Variants in SLC8A1 observed in about 807,000 individuals in gnomAD.
The protein encoded by SLC8A1 is sodium/calcium exchanger 1.
SLC8A1 carries 18 observed loss-of-function variants against 68.3 expected under a neutral mutation model. The ratio of observed to expected loss-of-function variants is 0.26; its 90% CI spans 0.18 to 0.39. The LOEUF (loss-of-function observed/expected upper bound fraction) is 0.39, where lower values mean the gene tolerates loss of function less well. Ranked by LOEUF, SLC8A1 falls within the 10% of genes least tolerant of loss-of-function variation. The pLI, the probability that SLC8A1 is intolerant of heterozygous loss-of-function variation, is 1.00. For synonymous variants in SLC8A1, 475 were observed against 415.5 expected (o/e 1.14, Z -1.74); for missense variants, 985 against 1,156.7 (o/e 0.85, Z 2.15).
chr2:40,240,549 T>G (rs577839210), intron 2 of SLC8A1, among the ~76,000 whole-genome samples: 1 of 152,346 alleles, frequency 6.6e-6, no homozygotes, highest in African/African-American at 2.4e-5. Context: ...CCAGAGAGGC[T>G]GTCTCTCTAT....
Position 40,410,292 on chromosome 2 carries a change from T to C in SLC8A1, c.1808+18181A>G, listed in dbSNP as rs72948185. ...TTACCAGAAATACCAGCAAAATCTT[T>C]CAATATGACCTGTTACTGGCCAAAT... On this transcript the variant is annotated intron_variant, in intron 2 of 7. Transcript: ENST00000406785. Among the ~76,000 whole-genome samples, 1,102 of 152,152 alleles carry C rather than the reference T, an allele frequency of 7.2e-3. 17 individuals carry two copies. Among genetic ancestry groups the C allele is most frequent in the African/African-American group, 0.025 (1,038 of 41,536 alleles).
At chr2:40,466,632 G>T (rs534553511) in intron 1 of SLC8A1, among the ~76,000 whole-genome samples, 3 of 152,210 alleles carry the variant, frequency 2.0e-5, no homozygotes, top group African/African-American at 7.2e-5. Context: ...GTGCAATAAG[G>T]ATAAAGTGCT....
intron 2 of SLC8A1, among the ~76,000 whole-genome samples, chr2:40,264,401 G>A (rs561696713): frequency 2.0e-5 from 3 of 152,100 alleles, no homozygotes; most frequent in Admixed American, 6.5e-5. Flanking sequence ...ACATGCACAC[G>A]TATGTTTATT....
At chr2:40,195,930 GGT>G (rs1249742486) in intron 2 of SLC8A1, 3 of 151,946 alleles carry the variant, frequency 2.0e-5, no homozygotes, top group Admixed American at 2.0e-4. Flanking sequence ...TAATATCACT[GGT>G]AAGAGTGTAA....
chr2:40,128,934 T>A (rs7576587), intron 7 of SLC8A1, among the ~76,000 whole-genome samples: 25,677 of 152,094 alleles, frequency 0.17, 2,678 homozygotes, highest in African/African-American at 0.29. Flanking sequence ...TAGAGAAAAG[T>A]CAAACCTATT....
At chr2:40,430,501 C>A (rs953209611) in intron 1 of SLC8A1, among the ~76,000 whole-genome samples, 197 bp from the exon 2 acceptor site, 39 of 152,258 alleles carry the variant, frequency 2.6e-4, no homozygotes, top group African/African-American at 8.4e-4. Context: ...CCATCAGTGA[C>A]TAAGCAATCC....
At chr2:40,140,357 T>C (rs2041312566) in intron 6 of SLC8A1, among the ~76,000 whole-genome samples, 1 of 152,212 alleles carries the variant, frequency 6.6e-6, no homozygotes, top group Admixed American at 6.5e-5. Flanking sequence ...TCCACCCTTA[T>C]CCTTCCTCAC....
At chr2:40,107,279 C>CAAAAAAAAAAAAAAAAGAAAAAAA (rs571403529) in exon 8 of SLC8A1, 1 of 64,962 alleles carries the variant, frequency 1.5e-5, no homozygotes, top group Non-Finnish European at 2.9e-5. Flanking sequence ...GACTCCGTCT[C>CAAAAAAAAAAAAAAAAGAAAAAAA]AAAAAAAAAA....
chr2:40,175,317 A>G lies in SLC8A1; in HGVS notation c.1913-475T>C, dbSNP rs771122200. 2.4e-5 allele frequency: 38 copies of G among 1,602,208 alleles called. No homozygotes were observed. The East Asian group carries it at 6.9e-4, about 29-fold the overall frequency. ...AACAGACAAAGACAAACACAGAATA[A>G]GAGACCAGATGAATAATGAAAGTAA... is the stretch of plus-strand genomic sequence containing the variant. On this transcript the variant is annotated intron_variant, in intron 3 of 7. Transcript: ENST00000406785.
At position 40,361,887 on chromosome 2, in the gene SLC8A1, CTTTTTTTTTTTTTTTTT is replaced by C. The variant is rs1172909749; in HGVS notation, c.1808+66569_1808+66585del. On this transcript the variant is annotated intron_variant, in intron 2 of 7. Transcript: ENST00000406785. The stretch of plus-strand genomic sequence containing the variant: ...GTCAGATGTTTATATCTTTTCTTTC[CTTTTTTTTTTTTTTTTT>C]TTTTTTTTTTTTTGGAGACAGAGTC... Among the ~76,000 whole-genome samples, 23 of 53,128 alleles carry C rather than the reference CTTTTTTTTTTTTTTTTT, an allele frequency of 4.3e-4. No homozygotes were observed. In the East Asian group the frequency reaches 6.5e-3, roughly 15 times the overall value. The allele number at this position is 53,128 out of a possible 152,430, so 34.9% of individuals were successfully genotyped here.
chr2:40,298,837 T>C (rs2070907103), intron 2 of SLC8A1, among the ~76,000 whole-genome samples: 1 of 152,194 alleles, frequency 6.6e-6, no homozygotes, highest in African/African-American at 2.4e-5. Flanking sequence ...TTAGAACTTA[T>C]GGATGTTTCT....
intron 2 of SLC8A1, among the ~76,000 whole-genome samples, chr2:40,286,222 T>A (rs912077924): frequency 4.6e-5 from 7 of 152,160 alleles, no homozygotes; most frequent in African/African-American, 1.7e-4. Context: ...TTTACTCCAT[T>A]TTATCTTCAA....
intron 2 of SLC8A1, among the ~76,000 whole-genome samples, chr2:40,229,488 C>G (rs1445890258): frequency 6.6e-6 from 1 of 152,080 alleles, no homozygotes; most frequent in Non-Finnish European, 1.5e-5. Context: ...ATTAAACTCT[C>G]TTCTGTGTTA....
intron 2 of SLC8A1, among the ~76,000 whole-genome samples, chr2:40,287,617 T>TGTGTGTGTGTGTGTGTGTGTGTGC (rs1316566001): frequency 2.7e-5 from 4 of 149,070 alleles, no homozygotes; most frequent in South Asian, 2.1e-4. Context: ...TGTGTGTGTG[T>TGTGTGTGTGTGTGTGTGTGTGTGC]GTGCATGCAG....
intron 1 of SLC8A1, among the ~76,000 whole-genome samples, chr2:40,434,088 C>T (rs1273510357): frequency 2.0e-5 from 3 of 152,148 alleles, no homozygotes; most frequent in Non-Finnish European, 4.4e-5. Context: ...AAAAGCCCTG[C>T]CCTTTATCCC....
intron 2 of SLC8A1, among the ~76,000 whole-genome samples, chr2:40,329,087 CA>C (rs1389253324): frequency 6.6e-5 from 10 of 151,850 alleles, no homozygotes; most frequent in African/African-American, 2.4e-4. Context: ...CACACACACA[CA>C]CACACACACA....
At chr2:40,230,318 T>C (rs1460639397) in intron 2 of SLC8A1, among the ~76,000 whole-genome samples, 1 of 152,192 alleles carries the variant, frequency 6.6e-6, no homozygotes, top group African/African-American at 2.4e-5. Flanking sequence ...CTTGCTGTTA[T>C]CACTTTTTTC....
At chr2:40,453,789 C>G (rs1312570798), upstream of SLC8A1, among the ~76,000 whole-genome samples, 1 of 152,138 alleles carries the variant, frequency 6.6e-6, no homozygotes, top group Non-Finnish European at 1.5e-5. Context: ...TGGAGCAGGC[C>G]TGGGGTAGGC....
At chr2:40,142,982 G>A (rs2041864331) in intron 6 of SLC8A1, among the ~76,000 whole-genome samples, 1 of 151,998 alleles carries the variant, frequency 6.6e-6, no homozygotes, top group Admixed American at 6.6e-5. Context: ...GAGAGAGAGA[G>A]AGAGAACGTG....
Sources: allele counts gnomAD v4.1 joint callset (sites outside exome capture counted in the v4.1 genomes callset), GRCh38; gene constraint gnomAD v4.1.1; transcripts MANE v1.5; gene names NCBI Gene and HGNC (gene_info 2026-07-23, HGNC 2026-07-21).